Variants in BMPR1B observed in about 807,000 individuals in gnomAD.
BMPR1B encodes bone morphogenetic protein receptor type 1B, also known as bone morphogenetic protein receptor type-1B.
Under a neutral mutation model 59.1 loss-of-function variants are expected in BMPR1B, and 12 were observed. The ratio of observed to expected loss-of-function variants is 0.20; its 90% confidence interval spans 0.13 to 0.33. BMPR1B has a LOEUF of 0.33. Among genes scored for constraint, BMPR1B ranks in the 10% least tolerant of loss-of-function variants. The pLI, the probability that BMPR1B is intolerant of heterozygous loss-of-function variation, is 1.00. For synonymous variants in BMPR1B, 237 were observed against 207.3 expected (o/e 1.14, Z -1.23); for missense variants, 550 against 610.9 (o/e 0.90, Z 1.05).
intron 1 of BMPR1B, among the ~76,000 whole-genome samples, chr4:94,848,569 A>G (rs13127435): frequency 0.49 from 75,183 of 151,938 alleles, 19,594 homozygotes; most frequent in African/African-American, 0.67. Context: ...AGGCACCAAG[A>G]TCATGATTGG....
intron 2 of BMPR1B, among the ~76,000 whole-genome samples, chr4:94,934,453 GT>G (rs371268875): frequency 4.9e-4 from 57 of 115,276 alleles, no homozygotes; most frequent in Middle Eastern, 9.9e-3. Context: ...CCCAGCTATG[GT>G]TTTTTTTTTT....
At chr4:94,826,897 CCAAA>C (rs1331596056) in intron 1 of BMPR1B, among the ~76,000 whole-genome samples, 1 of 151,992 alleles carries the variant, frequency 6.6e-6, no homozygotes, top group African/African-American at 2.4e-5. Context: ...AGTAACTTTG[CCAAA>C]CAGATGTAAA....
Position 95,094,832 on chromosome 4 carries a change from T to A in BMPR1B, c.-17-9576T>A, listed in dbSNP as rs568507886. Among the ~76,000 whole-genome samples, 6 of 152,226 alleles carry A rather than the reference T, an allele frequency of 3.9e-5. No individual in the cohort carries two copies. The South Asian group carries it at 1.2e-3, about 32-fold the overall frequency. Reference sequence around the variant, plus strand: ...TGTCCAGAAATTTAGCACCAACATCTTCCCTTATCTTTTATCTGATTTCTG... The same window carrying A: ...TGTCCAGAAATTTAGCACCAACATCATCCCTTATCTTTTATCTGATTTCTG... On this transcript the variant is annotated intron_variant, in intron 3 of 12. Transcript: ENST00000515059.
chr4:95,150,269 T>A lies in BMPR1B; in HGVS notation c.1252+1346T>A, dbSNP rs542295284. Reference sequence around the variant, plus strand: ...TTGAATAAATTTCTCATTCTAAGTGTAAAGAAGAAGTAACCAAAAAATTTA... The same window carrying A: ...TTGAATAAATTTCTCATTCTAAGTGAAAAGAAGAAGTAACCAAAAAATTTA... On this transcript the variant is annotated intron_variant, in intron 11 of 12. Coordinates refer to ENST00000515059, the MANE Select transcript of BMPR1B (RefSeq NM_001203.3). Among the ~76,000 whole-genome samples the A allele has an allele frequency of 3.3e-5, 5 of 152,276 alleles. No homozygotes were observed. In the East Asian group the frequency reaches 9.7e-4, roughly 29 times the overall value.
intron 4 of BMPR1B, among the ~76,000 whole-genome samples, chr4:95,114,264 TCTCA>T (rs1731843151): frequency 1.3e-5 from 2 of 152,126 alleles, no homozygotes; most frequent in Admixed American, 6.6e-5. Context: ...TTGCACTCCT[TCTCA>T]CTAACTGTAA....
chr4:95,114,595 C>G, intron 4 of BMPR1B, 125 bp from the exon 5 acceptor site: 1 of 865,460 alleles, frequency 1.2e-6, no homozygotes, highest in African/African-American at 1.6e-5. Flanking sequence ...TGACATTCTC[C>G]TTGTTGCAAT....
At chr4:94,824,070 T>G (rs1388016657) in intron 1 of BMPR1B, among the ~76,000 whole-genome samples, 2 of 152,332 alleles carry the variant, frequency 1.3e-5, no homozygotes, top group South Asian at 2.1e-4. Flanking sequence ...TTTTAGAGTT[T>G]AAAGCCTTAT....
chr4:95,039,674 C>G (rs900943368), intron 3 of BMPR1B, among the ~76,000 whole-genome samples: 2 of 152,180 alleles, frequency 1.3e-5, no homozygotes, highest in African/African-American at 4.8e-5. Flanking sequence ...TGTTGTCCAG[C>G]CCACAGCCTG....
chr4:94,926,065 ATCCCTCCCGTC>A (rs146852740), intron 2 of BMPR1B, among the ~76,000 whole-genome samples: 33,857 of 71,592 alleles, frequency 0.47, 5,474 homozygotes, highest in South Asian at 0.54. Context: ...CTCCCCCCCA[ATCCCTCCCGTC>A]TCCCTCCCCT....
intron 10 of BMPR1B, among the ~76,000 whole-genome samples, chr4:95,147,093 T>TA (rs1734704959): frequency 6.6e-6 from 1 of 152,152 alleles, no homozygotes; most frequent in Non-Finnish European, 1.5e-5. Flanking sequence ...ACTTTTTTTT[T>TA]AACGTCTTAA....
At chr4:94,987,690 C>T (rs189632374) in intron 2 of BMPR1B, among the ~76,000 whole-genome samples, 2 of 152,052 alleles carry the variant, frequency 1.3e-5, no homozygotes, top group African/African-American at 2.4e-5. Context: ...ACTTTTTTGA[C>T]CCCCCCTCGA....
chr4:95,043,646 T>C (rs1478096179), intron 3 of BMPR1B, among the ~76,000 whole-genome samples: 1 of 152,248 alleles, frequency 6.6e-6, no homozygotes, highest in African/African-American at 2.4e-5. Context: ...TCAAATTCCA[T>C]GAAGCATCTT....
intron 2 of BMPR1B, among the ~76,000 whole-genome samples, chr4:94,967,128 A>C (rs1414488653): frequency 6.6e-6 from 1 of 152,208 alleles, no homozygotes; most frequent in African/African-American, 2.4e-5. Context: ...AAGTTTTCTA[A>C]GTTTATGGAA....
chr4:94,954,365 C>G (rs1388910585), intron 2 of BMPR1B, among the ~76,000 whole-genome samples: 1 of 152,174 alleles, frequency 6.6e-6, no homozygotes, highest in Non-Finnish European at 1.5e-5. Context: ...GACTGCATTT[C>G]AGATCTTGAC....
At chr4:95,093,978 C>T (rs1730186471) in intron 3 of BMPR1B, among the ~76,000 whole-genome samples, 1 of 152,044 alleles carries the variant, frequency 6.6e-6, no homozygotes, top group East Asian at 1.9e-4. Context: ...ACAAAGTAAT[C>T]TTCCCTCTTA....
chr4:95,108,157 C>T (rs992603711), intron 4 of BMPR1B, among the ~76,000 whole-genome samples: 1 of 151,996 alleles, frequency 6.6e-6, no homozygotes, highest in Non-Finnish European at 1.5e-5. Flanking sequence ...TTACCTTCAA[C>T]AGACATAAAT....
chr4:95,151,493 A>AG (rs1325980752), intron 11 of BMPR1B, among the ~76,000 whole-genome samples: 3 of 152,176 alleles, frequency 2.0e-5, no homozygotes, highest in Non-Finnish European at 4.4e-5. Context: ...TCTCATATGG[A>AG]GGTAAAACAC....
chr4:94,845,717 G>T (rs1429811723), intron 1 of BMPR1B, among the ~76,000 whole-genome samples: 3 of 152,170 alleles, frequency 2.0e-5, no homozygotes, highest in African/African-American at 7.2e-5. Context: ...TCAGTCACAA[G>T]CTAAAGTTTT....
chr4:95,154,051 T>C (rs1346966513), intron 12 of BMPR1B, among the ~76,000 whole-genome samples: 1 of 152,172 alleles, frequency 6.6e-6, no homozygotes, highest in African/African-American at 2.4e-5. Context: ...TACTTTTCAA[T>C]AGGAAGACCA....
Sources: gnomAD v4.1 joint callset for allele counts (sites outside exome capture counted in the v4.1 genomes callset) on GRCh38, gnomAD v4.1.1 for gene constraint, MANE v1.5 for transcripts, NCBI Gene and HGNC (gene_info 2026-07-23, HGNC 2026-07-21) for gene names.